CNTN3: variants seen among roughly 807,000 people sequenced by gnomAD.
CNTN3 encodes contactin-3.
In CNTN3, 60 loss-of-function variants were observed where a neutral mutation model predicts 119.1. That is an observed-to-expected ratio of 0.50 (90% CI 0.41 to 0.62). CNTN3 has a LOEUF of 0.62. CNTN3 is among the 20% of genes least tolerant of loss of function. CNTN3 has a pLI of 0.00. For missense variants in CNTN3, 1,101 were observed against 1,242.4 expected (o/e 0.89, Z 1.71); for synonymous variants, 450 against 438.7 (o/e 1.03, Z -0.32).
intron 18 of CNTN3, among the ~76,000 whole-genome samples, chr3:74,295,852 C>A (rs987348107): frequency 6.6e-6 from 1 of 152,130 alleles, no homozygotes; most frequent in African/African-American, 2.4e-5. Flanking sequence ...CAGCTCTGAG[C>A]AGGAATCTCC....
intron 5 of CNTN3, among the ~76,000 whole-genome samples, chr3:74,416,063 A>G (rs1472112837): frequency 6.6e-6 from 1 of 152,156 alleles, no homozygotes; most frequent in African/African-American, 2.4e-5. Context: ...TAATTGTTTT[A>G]ACTTTTTCCT....
At chr3:74,363,708 AAC>A (rs759960280) in intron 10 of CNTN3, among the ~76,000 whole-genome samples, 5 of 152,118 alleles carry the variant, frequency 3.3e-5, no homozygotes, top group Non-Finnish European at 7.4e-5. Flanking sequence ...TTTGTTGGGA[AAC>A]ATCATATAGA....
In CNTN3 at chr3:74,264,296, TTAAAAA is replaced by T. The variant is rs1161899688; in HGVS notation, c.*99_*104del. 1 of 471,390 alleles carries T rather than the reference TTAAAAA, an allele frequency of 2.1e-6. No individual in the cohort carries two copies. Among genetic ancestry groups the T allele is most frequent in the Non-Finnish European group, 3.7e-6 (1 of 268,436 alleles). The allele number at this position is 471,390 out of a possible 1,614,324, so 29.2% of individuals were successfully genotyped here. ...TATTTACCTATAATGAAGTAGAAAG[TTAAAAA>T]TAAGAGTTGAAAAAAACATGCATAA... On this transcript the variant is annotated 3_prime_UTR_variant, in exon 23 of 23. Coordinates refer to ENST00000263665, the MANE Select transcript of CNTN3 (RefSeq NM_020872.3).
At chr3:74,355,449 T>A (rs1399205586) in intron 11 of CNTN3, among the ~76,000 whole-genome samples, 2 of 79,490 alleles carry the variant, frequency 2.5e-5, no homozygotes, top group Non-Finnish European at 5.6e-5. Context: ...GTACCAGTGT[T>A]TTTGTTTTGT....
intron 5 of CNTN3, among the ~76,000 whole-genome samples, chr3:74,373,500 C>A (rs989860016): frequency 1.3e-5 from 2 of 152,146 alleles, no homozygotes; most frequent in African/African-American, 4.8e-5. Flanking sequence ...AAAGTCAATC[C>A]TATTAACCCA....
chr3:74,599,359 T>A (rs553678771), intron 1 of CNTN3, among the ~76,000 whole-genome samples: 2 of 152,200 alleles, frequency 1.3e-5, no homozygotes, highest in East Asian at 3.9e-4. Context: ...GAGAGTGCCA[T>A]TTAATCTGAA....
intron 2 of CNTN3, among the ~76,000 whole-genome samples, chr3:74,501,923 C>A (rs2107083254): frequency 6.6e-6 from 1 of 152,206 alleles, no homozygotes; most frequent in East Asian, 1.9e-4. Flanking sequence ...GCCCCTCAAC[C>A]AATTCACTGA....
chr3:74,610,039 TG>T (rs1421815611), intron 1 of CNTN3, among the ~76,000 whole-genome samples: 1 of 152,012 alleles, frequency 6.6e-6, no homozygotes, highest in Non-Finnish European at 1.5e-5. Flanking sequence ...AAACTCTATG[TG>T]GGCCAGACTC....
intron 20 of CNTN3, among the ~76,000 whole-genome samples, chr3:74,271,720 G>A (rs189111694): frequency 1.6e-3 from 237 of 152,226 alleles, no homozygotes; most frequent in African/African-American, 5.3e-3. Context: ...CTTCACTTAA[G>A]ATAATTATTA....
intron 5 of CNTN3, among the ~76,000 whole-genome samples, chr3:74,401,500 C>G (rs936782335): frequency 6.6e-6 from 1 of 150,884 alleles, no homozygotes; most frequent in African/African-American, 2.5e-5. Context: ...AGTGCACACA[C>G]CACACACGCG....
chr3:74,506,750 A>AAAC (rs1553674823), intron 2 of CNTN3, among the ~76,000 whole-genome samples: 28,675 of 146,902 alleles, frequency 0.2, 3,118 homozygotes, highest in East Asian at 0.38. Context: ...AAAAAAAAAA[A>AAAC]AACAACACTT....
At chr3:74,374,197 T>G (rs978916691) in intron 5 of CNTN3, among the ~76,000 whole-genome samples, 14 of 152,046 alleles carry the variant, frequency 9.2e-5, no homozygotes, top group African/African-American at 3.4e-4. Flanking sequence ...AAGCAAGTTT[T>G]CCTCCCCACT....
intron 20 of CNTN3, among the ~76,000 whole-genome samples, chr3:74,275,138 A>C (rs1346807403): frequency 2.0e-5 from 3 of 152,222 alleles, no homozygotes; most frequent in African/African-American, 7.2e-5. Flanking sequence ...GATTGTCTCC[A>C]AGAAGTCTGG....
chr3:74,373,693 G>A (rs1704398814), intron 5 of CNTN3, among the ~76,000 whole-genome samples: 1 of 152,058 alleles, frequency 6.6e-6, no homozygotes, highest in Non-Finnish European at 1.5e-5. Context: ...AACTCAAAAT[G>A]TTTGCATAAC....
At chr3:74,278,917 C>A (rs1042755111) in intron 20 of CNTN3, among the ~76,000 whole-genome samples, 9 of 151,140 alleles carry the variant, frequency 6.0e-5, no homozygotes, top group African/African-American at 2.2e-4. Flanking sequence ...GAAAAAAAAA[C>A]AAACAAAAAA....
chr3:74,586,808 C>G (rs553196227), intron 1 of CNTN3, among the ~76,000 whole-genome samples: 5 of 152,064 alleles, frequency 3.3e-5, no homozygotes, highest in Non-Finnish European at 5.9e-5. Context: ...AAGCAGGACC[C>G]TATCTTGAAC....
chr3:74,521,989 G>A (rs1001953979), intron 1 of CNTN3, among the ~76,000 whole-genome samples: 1 of 151,754 alleles, frequency 6.6e-6, no homozygotes, highest in African/African-American at 2.4e-5. Context: ...ACTTTAGTAA[G>A]GAACGGGTAC....
intron 19 of CNTN3, among the ~76,000 whole-genome samples, chr3:74,291,071 C>A (rs1023997819): frequency 6.6e-6 from 1 of 151,922 alleles, no homozygotes; most frequent in Admixed American, 6.6e-5. Context: ...CATGACAGGC[C>A]CCAGTGTGTG....
At chr3:74,601,103 G>C (rs1704903091) in intron 1 of CNTN3, among the ~76,000 whole-genome samples, 1 of 150,068 alleles carries the variant, frequency 6.7e-6, no homozygotes, top group African/African-American at 2.4e-5. Context: ...GTCACATGTA[G>C]TGAATAATAA....
Sources: gnomAD v4.1 joint callset for allele counts (sites outside exome capture counted in the v4.1 genomes callset) on GRCh38, gnomAD v4.1.1 for gene constraint, MANE v1.5 for transcripts, NCBI Gene and HGNC (gene_info 2026-07-23, HGNC 2026-07-21) for gene names.